The following AIG1 variants were observed in gnomAD, a reference collection of about 807,000 sequenced individuals.
AIG1 encodes androgen induced 1, also known as androgen-induced gene 1 protein.
Under a neutral mutation model 31.4 loss-of-function variants are expected in AIG1, and 23 were observed. The observed-to-expected ratio is 0.73, with a 90% CI of 0.53 to 1.04. The LOEUF (loss-of-function observed/expected upper bound fraction) is 1.04, where lower values mean the gene tolerates loss of function less well. AIG1 is among the 50% of genes least tolerant of loss of function. The pLI is 0.00. For missense variants in AIG1, 274 were observed against 295.0 expected, an observed-to-expected ratio of 0.93 and a Z score of 0.52; for synonymous variants, 100 against 110.5, an observed-to-expected ratio of 0.90 and a Z score of 0.60.
At chr6:143,188,323 T>C (rs1789464229) in intron 3 of AIG1, 1 of 985,618 alleles carries the variant, frequency 1.0e-6, no homozygotes, top group South Asian at 4.7e-5. Context: ...GCTATACAGT[T>C]TTCCATTTTA....
intron 1 of AIG1, among the ~76,000 whole-genome samples, chr6:143,108,518 C>T (rs544274267): frequency 6.6e-6 from 1 of 152,292 alleles, no homozygotes; most frequent in East Asian, 1.9e-4. Context: ...CAGTTTGCAG[C>T]TCAGAGATTT....
Position 143,333,392 on chromosome 6 carries a change from T to G in AIG1, c.626T>G (p.Phe209Cys). The part of the protein sequence containing the change: ...FFGSTTILMN[F>C]LYLLGEVLNN... The stretch of plus-strand genomic sequence containing the variant: ...GGGTCTACAACCATCTTAATGAACT[T>G]CCTGTACCTGCTGGGAGAAGTTCTG... The change falls in exon 5 of 6, where the codon TTC becomes TGC. Residue 209 changes from phenylalanine to cysteine, a missense_variant. Coordinates refer to ENST00000357847, the MANE Select transcript of AIG1 (RefSeq NM_016108.4). The surrounding 1 kb of genome is among the most constrained non-coding windows in gnomAD (Gnocchi z 4.6). 1 of 1,613,870 alleles carries G rather than the reference T, an allele frequency of 6.2e-7. No homozygotes were observed. The highest frequency in any genetic ancestry group is 8.5e-7 in the Non-Finnish European group (1 of 1,179,942).
intron 3 of AIG1, among the ~76,000 whole-genome samples, chr6:143,210,693 G>A (rs1041356564): frequency 5.9e-5 from 9 of 152,152 alleles, no homozygotes; most frequent in Non-Finnish European, 1.3e-4. Context: ...ACTTACTAAA[G>A]TGCCGTAAAT....
At position 143,280,892 on chromosome 6, in the gene AIG1, C is replaced by G. The variant is rs1260691638; in HGVS notation, c.400-3218C>G. ...CTAAAATAAAAGTTAAAAAAAAGTTCTGACTTTATGCTAGCTAATGTTATT... is the reference window on the plus strand; with the variant it reads ...CTAAAATAAAAGTTAAAAAAAAGTTGTGACTTTATGCTAGCTAATGTTATT... On this transcript the variant is annotated intron_variant, in intron 3 of 5. Coordinates refer to ENST00000357847, the MANE Select transcript of AIG1 (RefSeq NM_016108.4). This position sits in a 1 kb window ranked among gnomAD's most constrained non-coding sequence, Gnocchi z 4.1. Among the ~76,000 whole-genome samples, 1 of 152,088 alleles carries G rather than the reference C, an allele frequency of 6.6e-6. No homozygotes were observed. The highest frequency in any genetic ancestry group is 1.5e-5 in the Non-Finnish European group (1 of 68,010).
At chr6:143,062,075 GATTA>G (rs1316063813) in intron 1 of AIG1, among the ~76,000 whole-genome samples, 3 of 152,220 alleles carry the variant, frequency 2.0e-5, no homozygotes, top group Non-Finnish European at 4.4e-5. Flanking sequence ...ACACCAGCAA[GATTA>G]TAATCTCTTG....
chr6:143,076,728 A>C (rs1334645874), intron 1 of AIG1, among the ~76,000 whole-genome samples: 1 of 146,066 alleles, frequency 6.8e-6, no homozygotes, highest in African/African-American at 2.6e-5. Context: ...GGTGTAGTGC[A>C]GTGGCACGAT....
At chr6:143,118,432 C>T (rs1055898775) in intron 1 of AIG1, among the ~76,000 whole-genome samples, 9 of 150,440 alleles carry the variant, frequency 6.0e-5, no homozygotes, top group African/African-American at 2.2e-4. Context: ...GCACTCCAGC[C>T]TGGCAACAGA....
intron 3 of AIG1, among the ~76,000 whole-genome samples, chr6:143,202,379 T>G (rs1274490864): frequency 6.6e-6 from 1 of 152,178 alleles, no homozygotes; most frequent in African/African-American, 2.4e-5. Flanking sequence ...TCTTGGCTAT[T>G]GACTTCTAAA....
chr6:143,309,101 C>A (rs563714395), intron 4 of AIG1, among the ~76,000 whole-genome samples: 7 of 151,778 alleles, frequency 4.6e-5, no homozygotes, highest in African/African-American at 1.7e-4. Flanking sequence ...AGAAATCATG[C>A]AAGCAAGAGG....
rs1405014534 is a variant in AIG1, at chr6:143,297,020, G to A, written c.515+12795G>A. Among the ~76,000 whole-genome samples, 1 of 152,180 alleles carries A rather than the reference G, an allele frequency of 6.6e-6. No homozygotes were observed. Among genetic ancestry groups the A allele is most frequent in the African/African-American group, 2.4e-5 (1 of 41,438 alleles). On this transcript the variant is annotated intron_variant, in intron 4 of 5. Transcript: ENST00000357847. This position sits in a 1 kb window ranked among gnomAD's most constrained non-coding sequence, Gnocchi z 5.1. ...GAAGAAGCTTCAGCTCTGTCCTCAA[G>A]GAGCTTACAGTCTATTGAAGGATAC... is the stretch of plus-strand genomic sequence containing the variant.
In AIG1 at chr6:143,280,987, A is replaced by G. The variant is rs1315838670; in HGVS notation, c.400-3123A>G. Among the ~76,000 whole-genome samples, 3 of 152,248 alleles carry G rather than the reference A, an allele frequency of 2.0e-5. No homozygotes were observed. The highest frequency in any genetic ancestry group is 7.2e-5 in the African/African-American group (3 of 41,466). On this transcript the variant is annotated intron_variant, in intron 3 of 5. Coordinates refer to ENST00000357847, the MANE Select transcript of AIG1 (RefSeq NM_016108.4). This position sits in a 1 kb window ranked among gnomAD's most constrained non-coding sequence, Gnocchi z 4.1. ...TTAGCAAAAATCATTTTTTACAGTG[A>G]AGACCTTTTTATTTGTTTTGAGGCC...
chr6:143,066,140 A>G (rs917793633), intron 1 of AIG1, among the ~76,000 whole-genome samples: 3 of 152,218 alleles, frequency 2.0e-5, no homozygotes, highest in African/African-American at 7.2e-5. Flanking sequence ...CAGAGTCTGC[A>G]TTTTAATAAG....
chr6:143,212,808 C>T (rs747788502), intron 3 of AIG1, among the ~76,000 whole-genome samples: 55 of 152,272 alleles, frequency 3.6e-4, no homozygotes, highest in Middle Eastern at 3.4e-3. Flanking sequence ...CAAGTAGCAG[C>T]ATGGTGGGCT....
intron 3 of AIG1, among the ~76,000 whole-genome samples, chr6:143,182,693 C>T (rs1788847233): frequency 6.6e-6 from 1 of 152,150 alleles, no homozygotes. Flanking sequence ...TCTATCTTCC[C>T]TTGCTAGAAT....
chr6:143,156,089 T>G (rs1239566453), intron 2 of AIG1, among the ~76,000 whole-genome samples: 2 of 152,150 alleles, frequency 1.3e-5, no homozygotes, highest in Non-Finnish European at 2.9e-5. Flanking sequence ...CAGCCAACAA[T>G]AGGGACCTCA....
At chr6:143,141,329 C>G (rs1001767200) in intron 2 of AIG1, among the ~76,000 whole-genome samples, 7 of 152,092 alleles carry the variant, frequency 4.6e-5, no homozygotes. Flanking sequence ...CCTCCAGTAA[C>G]GAGGTTAATT....
intron 4 of AIG1, among the ~76,000 whole-genome samples, chr6:143,308,339 G>A (rs1020129921): frequency 7.2e-5 from 11 of 152,136 alleles, no homozygotes; most frequent in Admixed American, 1.3e-4. Context: ...GTTCCTGTTC[G>A]GCCATCTTGG....
intron 4 of AIG1, among the ~76,000 whole-genome samples, chr6:143,320,609 G>A (rs1776127143): frequency 6.6e-6 from 1 of 152,134 alleles, no homozygotes; most frequent in Admixed American, 6.5e-5. Flanking sequence ...CAGACTATAT[G>A]ATCCCACTTA....
chr6:143,159,185 A>G (rs1440595857), intron 2 of AIG1, among the ~76,000 whole-genome samples: 2 of 152,238 alleles, frequency 1.3e-5, no homozygotes, highest in African/African-American at 4.8e-5. Flanking sequence ...AGAAAATGCT[A>G]TGGCCCTGAA....
Sources: allele counts gnomAD v4.1 joint callset (sites outside exome capture counted in the v4.1 genomes callset), GRCh38; gene constraint gnomAD v4.1.1; non-coding constraint Gnocchi (gnomAD v3.1); transcripts MANE v1.5; gene names NCBI Gene and HGNC (gene_info 2026-07-23, HGNC 2026-07-21).